The following CLU variants were observed in gnomAD, a reference collection of about 807,000 sequenced individuals.
The protein encoded by CLU is aging-associated protein 4.
In CLU, 25 loss-of-function variants were observed where a neutral mutation model predicts 46.4. The observed-to-expected ratio is 0.54, with a 90% confidence interval of 0.39 to 0.75. The LOEUF (loss-of-function observed/expected upper bound fraction) is 0.75. Ranked by LOEUF, CLU falls within the 30% of genes least tolerant of loss-of-function variation. The probability of loss-of-function intolerance (pLI) is 0.00; values close to 1 mark genes in which losing one functional copy is unlikely to be tolerated. For missense variants in CLU, 504 were observed against 592.1 expected (o/e 0.85, Z 1.54); for synonymous variants, 235 against 235.1 (o/e 1.00, Z 0.00).
intron 1 of CLU, chr8:27,611,384 A>G (rs1800927162): frequency 2.2e-6 from 1 of 456,784 alleles, no homozygotes; most frequent in African/African-American, 2.0e-5. Context: ...CAGGCCCTCC[A>G]CACTGCCCAT....
chr8:27,597,644 CCTT>C lies in CLU; in HGVS notation c.*594_*596del, dbSNP rs1368610678. On this transcript the variant is annotated 3_prime_UTR_variant, in exon 9 of 9. Transcript: ENST00000316403. ...ACACCTTACACTTACTGATTCTTCT[CCTT>C]AACTTTCAGTGTATTCCTTTAGGAG... 1.1e-5 allele frequency: 5 copies of C among 454,034 alleles called. No individual in the cohort carries two copies. Among genetic ancestry groups the C allele is most frequent in the Non-Finnish European group, 2.2e-5 (5 of 226,812 alleles). The allele number at this position is 454,034 out of a possible 1,614,324, so 28.1% of individuals were successfully genotyped here.
chr8:27,605,231 A>T lies in CLU; in HGVS notation c.522T>A (p.Asp174Glu). 2 of 1,614,186 alleles carry T rather than the reference A, an allele frequency of 1.2e-6. No individual in the cohort carries two copies. The highest frequency in any genetic ancestry group is 8.5e-7 in the Non-Finnish European group (1 of 1,180,022). The change falls in exon 5 of 9, where the codon GAT (aspartate) becomes GAA (glutamate). Residue 174 changes from aspartate (D) to glutamate (E), a missense_variant. Coordinates refer to ENST00000316403, the MANE Select transcript of CLU (RefSeq NM_001831.4). ...ENDRQQTHML[D>E]VMQDHFSRAS... is the part of the protein sequence containing the mutation. ...CGCGGCTGAAGTGGTCCTGCATGAC[A>T]TCCAGCATGTGCGTCTGCTGCCGGT...
rs1299288217 is a variant in CLU at position 27,598,416 on chromosome 8, C to G, written c.1340+44G>C. The G allele has an allele frequency of 6.2e-6, 10 of 1,611,008 alleles. No homozygotes were observed. The East Asian group carries it at 2.2e-4, about 36-fold the overall frequency. On this transcript the variant is annotated intron_variant, in intron 8 of 8. Coordinates refer to ENST00000316403, the MANE Select transcript of CLU (RefSeq NM_001831.4). ...TTTGTTTTTTTGTGGCTCCCAGAGA[C>G]TCACTGGGCCCTGCAGGCCCGCAGG...
intron 4 of CLU, 123 bp downstream of exon 4, chr8:27,606,230 TG>T: frequency 9.3e-7 from 1 of 1,078,344 alleles, no homozygotes; most frequent in Non-Finnish European, 1.4e-6. Context: ...CAATGGAGCA[TG>T]GCACTCTGGG....
In CLU at chr8:27,598,248, T is replaced by C. The variant is rs780569687; in HGVS notation, c.1343A>G (p.Glu448Gly). The C allele has an allele frequency of 8.1e-6, 13 of 1,613,696 alleles. No individual in the cohort carries two copies. The highest frequency in any genetic ancestry group is 1.1e-5 in the Non-Finnish European group (13 of 1,179,912). Residue 448 changes from glutamate (E) to glycine (G), a missense_variant and splice_region_variant, in exon 9 of 9, where the codon GAG becomes GGG. Around this residue, in one of 3 missense-constraint regions of CLU, gnomAD observed 428 missense variants for 484.0 expected, o/e 0.88. Transcript: ENST00000316403. ...AAAAGCAACATCCACATCTCACTCC[T>C]CCCTGAAATAAAAAACAGTTATCCT... ...ALQEYRKKHREE is the reference protein window; with the variant it reads ...ALQEYRKKHRGE
intron 5 of CLU, 130 bp downstream of exon 5, chr8:27,604,794 T>A (rs1471305209): frequency 1.0e-5 from 12 of 1,150,300 alleles, no homozygotes; most frequent in Non-Finnish European, 1.4e-5. Context: ...TTTTTCCTCT[T>A]TAAATAAGGA....
At chr8:27,608,624 C>T in intron 3 of CLU, 2 of 524,848 alleles carry the variant, frequency 3.8e-6, no homozygotes, top group South Asian at 2.1e-5. Flanking sequence ...CTGTCTGGGC[C>T]CCTGCCGCCA....
In CLU at chr8:27,598,049, CT is replaced by C. The variant is rs1326817661; in HGVS notation, c.*191del. 2.8e-6 allele frequency: 2 copies of C among 708,170 alleles called. No homozygotes were observed. The highest frequency in any genetic ancestry group is 5.2e-6 in the Non-Finnish European group (2 of 384,770). The allele number at this position is 708,170 out of a possible 1,614,324, so 43.9% of individuals were successfully genotyped here. A position where few individuals can be genotyped will look rare whatever the true frequency, so the allele number is the denominator to read the frequency against. ...AGTTGCATGCAGGAGCAATTCTGTT[CT>C]TCCCATGAGCAGCAGAGTCGAGTGT... On this transcript the variant is annotated 3_prime_UTR_variant, in exon 9 of 9. Coordinates refer to ENST00000316403, the MANE Select transcript of CLU (RefSeq NM_001831.4).
At chr8:27,611,353 G>A (rs1463978118) in intron 1 of CLU, 2 of 456,444 alleles carry the variant, frequency 4.4e-6, no homozygotes, top group Non-Finnish European at 8.8e-6. Context: ...CCCTTTGGAA[G>A]GATGAGTCCT....
chr8:27,607,720 G>T (rs1800846447), intron 3 of CLU, among the ~76,000 whole-genome samples: 1 of 150,088 alleles, frequency 6.7e-6, no homozygotes, highest in Non-Finnish European at 1.5e-5. Context: ...CTATATTAAA[G>T]TCTCTATGAA....
Position 27,597,769 on chromosome 8 carries a change from ATC to A in CLU, c.*470_*471del, listed in dbSNP as rs1173766191. On this transcript the variant is annotated 3_prime_UTR_variant, in exon 9 of 9. Transcript: ENST00000316403. Reference sequence around the variant, plus strand: ...TATTTTAGTTGGCTTGTTGAAACACATCTCTCTTCCTGAAAGCAAGCAATTCT... The same window carrying A: ...TATTTTAGTTGGCTTGTTGAAACACATCTCTTCCTGAAAGCAAGCAATTCT... 28 of 456,092 alleles carry A rather than the reference ATC, an allele frequency of 6.1e-5. No individual in the cohort carries two copies. Among genetic ancestry groups the A allele is most frequent in the Middle Eastern group, 6.8e-4 (1 of 1,472 alleles). 28.3% of individuals were successfully genotyped at this position (456,092 alleles called of 1,614,324 possible).
rs764560337 is a variant in CLU, at chr8:27,608,950, C to T, written c.234G>A (p.Lys78=). 2.3e-5 allele frequency: 37 copies of T among 1,614,088 alleles called. No homozygotes were observed. Among genetic ancestry groups the T allele is most frequent in the Non-Finnish European group, 3.1e-5 (37 of 1,180,050 alleles). The part of the protein sequence containing the change: ...KTLLSNLEEA[K]KKKEDALNET... ...GGCTCCTCCTGACCTCTTTCTTCTT[C>T]TTGGCTTCTTCTAGGTTGCTGAGCA... is the stretch of plus-strand genomic sequence containing the variant. The change falls in exon 3 of 9, where the codon AAG becomes AAA. Residue 78 remains lysine, a synonymous_variant. Transcript: ENST00000316403.
At chr8:27,611,413 A>C (rs1800928155) in intron 1 of CLU, 1 of 456,316 alleles carries the variant, frequency 2.2e-6, no homozygotes, top group South Asian at 1.6e-5. Context: ...AGCCGACAGC[A>C]GGCTGCCCTG....
chr8:27,598,441 GA>G lies in CLU; in HGVS notation c.1340+18del, dbSNP rs759518647. ...CTCACTGGGCCCTGCAGGCCCGCAG[GA>G]AAGGCCCGCCTGCTTACCGGTGCTT... is the stretch of plus-strand genomic sequence containing the variant. On this transcript the variant is annotated intron_variant, in intron 8 of 8. Coordinates refer to ENST00000316403, the MANE Select transcript of CLU (RefSeq NM_001831.4). The G allele has an allele frequency of 6.2e-7, 1 of 1,613,774 alleles. No individual in the cohort carries two copies. Among genetic ancestry groups the G allele is most frequent in the Non-Finnish European group, 8.5e-7 (1 of 1,179,894 alleles).
At chr8:27,609,187 G>A in intron 2 of CLU, 101 bp from the exon 3 acceptor site, 2 of 1,306,800 alleles carry the variant, frequency 1.5e-6, no homozygotes, top group Admixed American at 3.4e-5. Flanking sequence ...CAGTTCAGGG[G>A]CTGTCAAGGC....
intron 1 of CLU, among the ~76,000 whole-genome samples, chr8:27,612,646 A>G (rs1800948983): frequency 1.3e-5 from 2 of 152,178 alleles, no homozygotes; most frequent in African/African-American, 4.8e-5. Flanking sequence ...TTTTCCAGCC[A>G]GTCTGCAGGT....
chr8:27,606,581 A>C, intron 3 of CLU, 57 bp from the exon 4 acceptor site: 7 of 1,605,594 alleles, frequency 4.4e-6, no homozygotes, highest in Non-Finnish European at 5.1e-6. Flanking sequence ...TCATGCACTC[A>C]AAGAGCTGCT....
chr8:27,611,298 G>C (rs1456540424), intron 1 of CLU: 1 of 454,970 alleles, frequency 2.2e-6, no homozygotes, highest in Non-Finnish European at 4.4e-6. Flanking sequence ...TCGGAGAGTA[G>C]AGAGGGTTCG....
chr8:27,602,876 C>T (rs966144091), intron 6 of CLU, among the ~76,000 whole-genome samples: 1 of 152,012 alleles, frequency 6.6e-6, no homozygotes, highest in East Asian at 1.9e-4. Context: ...ACCAGCCTGG[C>T]CAACATAGTG....
Sources: allele counts gnomAD v4.1 joint callset (sites outside exome capture counted in the v4.1 genomes callset), GRCh38; gene constraint gnomAD v4.1.1; regional missense constraint gnomAD v4.1.1; transcripts MANE v1.5; gene names NCBI Gene and HGNC (gene_info 2026-07-23, HGNC 2026-07-21).